Variants in ZC3H10 observed in about 807,000 individuals in gnomAD.
ZC3H10 encodes the protein zinc finger CCCH-type containing 10, also known as zinc finger CCCH domain-containing protein 10.
ZC3H10 carries 12 observed loss-of-function variants against 24.3 expected under a neutral mutation model. The observed-to-expected ratio is 0.49, with a 90% CI of 0.32 to 0.80. The LOEUF (loss-of-function observed/expected upper bound fraction) is 0.80, where lower values mean the gene tolerates loss of function less well. Among genes scored for constraint, ZC3H10 ranks in the 30% least tolerant of loss-of-function variants. ZC3H10 has a pLI of 0.04. For synonymous variants in ZC3H10, 226 were observed against 217.0 expected (o/e 1.04, Z -0.36); for missense variants, 360 against 576.3 (o/e 0.62, Z 3.84).
At position 56,127,336 on chromosome 12, in the gene ZC3H10, TC is replaced by T. The variant is rs2136863779; in HGVS notation, c.*5472del. ...GGAATTGTCTTTCCCTTACTCTTGA[TC>T]CCTCATTTTAGTGTCCTAGAAGTTC... On this transcript the variant is annotated 3_prime_UTR_variant, in exon 3 of 3. Coordinates refer to ENST00000257940, the MANE Select transcript of ZC3H10 (RefSeq NM_032786.3). 1 of 152,346 alleles carries T rather than the reference TC, an allele frequency of 6.6e-6. No individual in the cohort carries two copies. The highest frequency in any genetic ancestry group is 2.1e-4 in the South Asian group (1 of 4,832). 9.4% of individuals were successfully genotyped at this position (152,346 alleles called of 1,614,324 possible).
Position 56,121,196 on chromosome 12 carries a change from G to A in ZC3H10, c.634G>A (p.Gly212Ser). Residue 212 changes from glycine (G) to serine (S), a missense_variant, in exon 3 of 3, where the codon GGT becomes AGT. Physicochemically the swap from Gly to Ser is moderately conservative, Grantham distance 56. This residue lies in a region of ZC3H10 where 101 missense variants were observed against 110.8 expected (regional missense o/e 0.91). Coordinates refer to ENST00000257940, the MANE Select transcript of ZC3H10 (RefSeq NM_032786.3). The surrounding 1 kb of genome is among the most constrained non-coding windows in gnomAD (Gnocchi z 6.2). ...TGAGCCAGGCCCAAAACGCCGGCGA[G>A]GTGGATGCTGCCCCCCTGATGGCCC... ...DHEPGPKRRRGGCCPPDGPHF... is the reference protein window; with the variant it reads ...DHEPGPKRRRSGCCPPDGPHF... 4.3e-6 allele frequency: 7 copies of A among 1,614,070 alleles called. No individual in the cohort carries two copies. The highest frequency in any genetic ancestry group is 5.1e-6 in the Non-Finnish European group (6 of 1,180,046).
rs1384008828 is a variant in ZC3H10, at chr12:56,125,127, G to C, written c.*3260G>C. ...GTTGCTAGAAAAAAAAGGCTGGCAA[G>C]AGAAAGCTTCAAATAGAAGTCTTCA... On this transcript the variant is annotated 3_prime_UTR_variant, in exon 3 of 3. Coordinates refer to ENST00000257940, the MANE Select transcript of ZC3H10 (RefSeq NM_032786.3). The C allele has an allele frequency of 6.6e-6, 1 of 151,922 alleles. No homozygotes were observed. Among genetic ancestry groups the C allele is most frequent in the East Asian group, 1.9e-4 (1 of 5,198 alleles). The allele number at this position is 151,922 out of a possible 1,614,324, so 9.4% of individuals were successfully genotyped here.
rs575808737 is a variant in ZC3H10, at chr12:56,123,546, C to G, written c.*1679C>G. ...AAGCGATTCTCTTGCGTCAGCCTCC[C>G]GAGTAGCTGAGACTACAGGCGCCCG... is the stretch of plus-strand genomic sequence containing the variant. On this transcript the variant is annotated 3_prime_UTR_variant, in exon 3 of 3. Transcript: ENST00000257940. The G allele has an allele frequency of 2.0e-5, 3 of 151,734 alleles. No homozygotes were observed. The highest frequency in any genetic ancestry group is 4.4e-5 in the Non-Finnish European group (3 of 67,936). 9.4% of individuals were successfully genotyped at this position (151,734 alleles called of 1,614,324 possible).
chr12:56,120,524 TG>T lies in ZC3H10; in HGVS notation c.-37del. On this transcript the variant is annotated 5_prime_UTR_variant, in exon 3 of 3. Coordinates refer to ENST00000257940, the MANE Select transcript of ZC3H10 (RefSeq NM_032786.3). ...CCTCTTTTGTAGTGGTCACCAAGAG[TG>T]GCAAGATAAAGAAAACCCTGAGTTG... 1 of 1,495,134 alleles carries T rather than the reference TG, an allele frequency of 6.7e-7. No individual in the cohort carries two copies. Among genetic ancestry groups the T allele is most frequent in the Non-Finnish European group, 8.8e-7 (1 of 1,130,110 alleles). 92.6% of individuals were successfully genotyped at this position (1,495,134 alleles called of 1,614,324 possible). A position where few individuals can be genotyped will look rare whatever the true frequency, so the allele number is the denominator to read the frequency against.
At position 56,120,277 on chromosome 12, in the gene ZC3H10, T is replaced by C. The variant is rs1869769740; in HGVS notation, c.-52-234T>C. 4.1e-6 allele frequency: 4 copies of C among 985,476 alleles called. 1 individual carries two copies. In the South Asian group the frequency reaches 1.9e-4, roughly 46 times the overall value. The allele number at this position is 985,476 out of a possible 1,614,324, so 61.0% of individuals were successfully genotyped here. On this transcript the variant is annotated intron_variant, in intron 2 of 2. Transcript: ENST00000257940. The stretch of plus-strand genomic sequence containing the variant: ...CCAACACTATTTTTTCCCTGCTCCG[T>C]CCTGGGCCTATCCCTCCTCCGTTAG...
chr12:56,122,190 C>T lies in ZC3H10; in HGVS notation c.*323C>T. On this transcript the variant is annotated 3_prime_UTR_variant, in exon 3 of 3. Coordinates refer to ENST00000257940, the MANE Select transcript of ZC3H10 (RefSeq NM_032786.3). Reference sequence around the variant, plus strand: ...GGGAACATCCCTCGTCTTGTCCTCTCTTCTGCACAGCACAGGTTCCAGCAC... The same window carrying T: ...GGGAACATCCCTCGTCTTGTCCTCTTTTCTGCACAGCACAGGTTCCAGCAC... 1 of 338,132 alleles carries T rather than the reference C, an allele frequency of 3.0e-6. No individual in the cohort carries two copies. The highest frequency in any genetic ancestry group is 5.7e-6 in the Non-Finnish European group (1 of 175,138). The allele number at this position is 338,132 out of a possible 1,614,324, so 20.9% of individuals were successfully genotyped here. A position where few individuals can be genotyped will look rare whatever the true frequency, so the allele number is the denominator to read the frequency against.
Position 56,120,946 on chromosome 12 carries a change from T to C in ZC3H10, c.384T>C (p.Ala128=). 1.2e-6 allele frequency: 2 copies of C among 1,614,204 alleles called. No individual in the cohort carries two copies. The highest frequency in any genetic ancestry group is 1.7e-6 in the Non-Finnish European group (2 of 1,180,046). The change falls in exon 3 of 3, where the codon GCT becomes GCC. Residue 128 remains alanine, a synonymous_variant. Transcript: ENST00000257940. ...KVAAGLGLSP[A]DLPNGKEEVP... is the part of the protein sequence containing the mutation. ...CAGCTGGCCTTGGCCTTTCACCGGCTGACCTACCAAATGGCAAGGAGGAGG... is the reference window on the plus strand; with the variant it reads ...CAGCTGGCCTTGGCCTTTCACCGGCCGACCTACCAAATGGCAAGGAGGAGG...
rs548024206 is a variant in ZC3H10 at position 56,121,936 on chromosome 12, C to T, written c.*69C>T. ...GGTCAGGGGGCCCTTGCCCACTCAC[C>T]TAGCCTTCCCCATCCCTGTCTGAAG... On this transcript the variant is annotated 3_prime_UTR_variant, in exon 3 of 3. Transcript: ENST00000257940. This position sits in a 1 kb window ranked among gnomAD's most constrained non-coding sequence, Gnocchi z 6.2. 120 of 1,479,760 alleles carry T rather than the reference C, an allele frequency of 8.1e-5. No homozygotes were observed. In the Middle Eastern group the frequency reaches 5.5e-3, roughly 68 times the overall value. The allele number at this position is 1,479,760 out of a possible 1,614,324, so 91.7% of individuals were successfully genotyped here.
At position 56,119,401 on chromosome 12, in the gene ZC3H10, G is replaced by A. The variant is rs939313886; in HGVS notation, c.-53+250G>A. 5 of 152,316 alleles carry A rather than the reference G, an allele frequency of 3.3e-5. No individual in the cohort carries two copies. The East Asian group carries it at 9.7e-4, about 29-fold the overall frequency. 9.4% of individuals were successfully genotyped at this position (152,316 alleles called of 1,614,324 possible). A position where few individuals can be genotyped will look rare whatever the true frequency, so the allele number is the denominator to read the frequency against. ...TCTTGTAACTCTGGCCTCTGGTTTG[G>A]TTAGTTCATTTTAGGGAGATCTGAA... On this transcript the variant is annotated intron_variant, in intron 2 of 2. Coordinates refer to ENST00000257940, the MANE Select transcript of ZC3H10 (RefSeq NM_032786.3).
rs1258646991 is a variant in ZC3H10 at position 56,126,060 on chromosome 12, G to C, written c.*4193G>C. 6.6e-6 allele frequency: 1 copy of C among 152,162 alleles called. No homozygotes were observed. Among genetic ancestry groups the C allele is most frequent in the Non-Finnish European group, 1.5e-5 (1 of 68,048 alleles). 9.4% of individuals were successfully genotyped at this position (152,162 alleles called of 1,614,324 possible). A position where few individuals can be genotyped will look rare whatever the true frequency, so the allele number is the denominator to read the frequency against. ...ACTGCCTCGGCCTTCCAAAGTGCTGGGATTACAGGCATGAGCCACCGCGAC... is the reference window on the plus strand; with the variant it reads ...ACTGCCTCGGCCTTCCAAAGTGCTGCGATTACAGGCATGAGCCACCGCGAC... On this transcript the variant is annotated 3_prime_UTR_variant, in exon 3 of 3. Transcript: ENST00000257940.
rs937631361 is a variant in ZC3H10, at chr12:56,121,082, G to C, written c.520G>C (p.Gly174Arg). The C allele has an allele frequency of 1.9e-6, 3 of 1,614,214 alleles. No individual in the cohort carries two copies. Among genetic ancestry groups the C allele is most frequent in the Non-Finnish European group, 2.5e-6 (3 of 1,180,036 alleles). ...TGATGCTCGGGGTGGAGGAGGCACTGGTGGGGGCTCAACAGGCTCAGTCCT... is the reference window on the plus strand; with the variant it reads ...TGATGCTCGGGGTGGAGGAGGCACTCGTGGGGGCTCAACAGGCTCAGTCCT... The part of the protein sequence containing the change: ...EFDARGGGGT[G>R]GGSTGSVLPG... The change falls in exon 3 of 3, where the codon GGT becomes CGT. Residue 174 changes from glycine to arginine, a missense_variant. Coordinates refer to ENST00000257940, the MANE Select transcript of ZC3H10 (RefSeq NM_032786.3). This position sits in a 1 kb window ranked among gnomAD's most constrained non-coding sequence, Gnocchi z 6.2.
rs141980139 is a variant in ZC3H10, at chr12:56,121,109, C to T, written c.547C>T (p.Pro183Ser). 5 of 1,614,152 alleles carry T rather than the reference C, an allele frequency of 3.1e-6. No homozygotes were observed. Among genetic ancestry groups the T allele is most frequent in the Middle Eastern group, 1.6e-4 (1 of 6,062 alleles). Residue 183 changes from proline to serine, a missense_variant, in exon 3 of 3, where the codon CCA (proline) becomes TCA (serine). Pro to Ser is a moderately conservative substitution (Grantham distance 74). Around this residue, in one of 3 missense-constraint regions of ZC3H10, gnomAD observed 101 missense variants for 110.8 expected, o/e 0.91. Transcript: ENST00000257940. This position sits in a 1 kb window ranked among gnomAD's most constrained non-coding sequence, Gnocchi z 6.2. ...TGGGSTGSVL[P>S]GRRHDLYDIY... Reference sequence around the variant, plus strand: ...TGGGGGCTCAACAGGCTCAGTCCTCCCAGGACGACGTCATGATCTCTATGA... The same window carrying T: ...TGGGGGCTCAACAGGCTCAGTCCTCTCAGGACGACGTCATGATCTCTATGA...
intron 2 of ZC3H10, 126 bp downstream of exon 2, chr12:56,119,277 A>G (rs966310202): frequency 6.6e-6 from 1 of 152,288 alleles, no homozygotes; most frequent in Non-Finnish European, 1.5e-5. Flanking sequence ...ATTCCCCTTT[A>G]CTAAAAGTTT....
intron 2 of ZC3H10, 99 bp from the exon 3 acceptor site, chr12:56,120,412 C>G: frequency 7.2e-7 from 1 of 1,390,156 alleles, no homozygotes; most frequent in Non-Finnish European, 9.3e-7. Context: ...GATTCTCCAT[C>G]TCTAAAGCCA....
Position 56,121,385 on chromosome 12 carries a change from T to C in ZC3H10, c.823T>C (p.Phe275Leu), listed in dbSNP as rs1477976970. 6.2e-7 allele frequency: 1 copy of C among 1,614,014 alleles called. No individual in the cohort carries two copies. The part of the protein sequence containing the change: ...NEVLLEQNAQ[F>L]RNQAKVITLS... Reference sequence around the variant, plus strand: ...GGTACTACTGGAACAAAATGCTCAGTTCCGCAATCAGGCCAAGGTCATAAC... The same window carrying C: ...GGTACTACTGGAACAAAATGCTCAGCTCCGCAATCAGGCCAAGGTCATAAC... The change falls in exon 3 of 3, where the codon TTC (phenylalanine) becomes CTC (leucine). Residue 275 changes from phenylalanine (F) to leucine (L), a missense_variant. Phe to Leu is a conservative substitution (Grantham distance 22). Transcript: ENST00000257940. This position sits in a 1 kb window ranked among gnomAD's most constrained non-coding sequence, Gnocchi z 6.2.
In ZC3H10 at chr12:56,121,393, T is replaced by C; in HGVS notation, c.831T>C (p.Asn277=). 1 of 1,614,074 alleles carries C rather than the reference T, an allele frequency of 6.2e-7. No individual in the cohort carries two copies. The highest frequency in any genetic ancestry group is 8.5e-7 in the Non-Finnish European group (1 of 1,179,968). ...VLLEQNAQFR[N]QAKVITLSST... Reference sequence around the variant, plus strand: ...TGGAACAAAATGCTCAGTTCCGCAATCAGGCCAAGGTCATAACCCTGAGCT... The same window carrying C: ...TGGAACAAAATGCTCAGTTCCGCAACCAGGCCAAGGTCATAACCCTGAGCT... The change falls in exon 3 of 3, where the codon AAT becomes AAC. Residue 277 remains asparagine, a synonymous_variant. Transcript: ENST00000257940. This position sits in a 1 kb window ranked among gnomAD's most constrained non-coding sequence, Gnocchi z 6.2.
In ZC3H10 at chr12:56,124,701, T is replaced by G. The variant is rs1869941809; in HGVS notation, c.*2834T>G. 6.6e-6 allele frequency: 1 copy of G among 152,354 alleles called. No homozygotes were observed. The highest frequency in any genetic ancestry group is 1.9e-4 in the East Asian group (1 of 5,194). 9.4% of individuals were successfully genotyped at this position (152,354 alleles called of 1,614,324 possible). A position where few individuals can be genotyped will look rare whatever the true frequency, so the allele number is the denominator to read the frequency against. On this transcript the variant is annotated 3_prime_UTR_variant, in exon 3 of 3. Transcript: ENST00000257940. Reference sequence around the variant, plus strand: ...TCGGGTAAACATGTAAAAAACCCATTTATCAACAGTAACACAGGAAGAGCT... The same window carrying G: ...TCGGGTAAACATGTAAAAAACCCATGTATCAACAGTAACACAGGAAGAGCT...
chr12:56,119,719 T>G (rs928643737), intron 2 of ZC3H10: 3 of 152,074 alleles, frequency 2.0e-5, no homozygotes, highest in Non-Finnish European at 4.4e-5. Context: ...AAAGAGGATC[T>G]TTCTGGGTTG....
Position 56,121,823 on chromosome 12 carries a change from C to G in ZC3H10, c.1261C>G (p.Pro421Ala). ...CACCACCACTCCCATGGTGACTTAC[C>G]CTATCGCTTCCCAGAGCATGCGCAT... The part of the protein sequence containing the change: ...SHTTTPMVTY[P>A]IASQSMRITA... Residue 421 changes from proline to alanine, a missense_variant, in exon 3 of 3, where the codon CCT (proline) becomes GCT (alanine). By Grantham distance (27) the Pro-to-Ala change is conservative. Coordinates refer to ENST00000257940, the MANE Select transcript of ZC3H10 (RefSeq NM_032786.3). This position sits in a 1 kb window ranked among gnomAD's most constrained non-coding sequence, Gnocchi z 6.2. 6 of 1,613,828 alleles carry G rather than the reference C, an allele frequency of 3.7e-6. No homozygotes were observed. The highest frequency in any genetic ancestry group is 4.2e-6 in the Non-Finnish European group (5 of 1,179,808).
Sources: gnomAD v4.1 joint callset for allele counts on GRCh38, gnomAD v4.1.1 for gene constraint, gnomAD v4.1.1 regional missense constraint, Gnocchi (gnomAD v3.1) non-coding constraint, MANE v1.5 for transcripts, NCBI Gene and HGNC (gene_info 2026-07-23, HGNC 2026-07-21) for gene names.